COMMD10: variants seen among roughly 807,000 people sequenced by gnomAD.
COMMD10 encodes COMM domain containing 10, also known as COMM domain-containing protein 10.
In COMMD10, 33 loss-of-function variants were observed where a neutral mutation model predicts 28.9. The observed-to-expected ratio is 1.14, with a 90% confidence interval of 0.87 to 1.53. The LOEUF is 1.53. Ranked by LOEUF, COMMD10 falls within the 40% of genes most tolerant of loss-of-function variation. COMMD10 has a pLI of 0.00. For synonymous variants in COMMD10, 110 were observed against 81.7 expected (o/e 1.35, Z -1.87); for missense variants, 310 against 233.4 (o/e 1.33, Z -2.14).
At chr5:116,270,189 G>C (rs1212701451) in intron 5 of COMMD10, among the ~76,000 whole-genome samples, 1 of 151,798 alleles carries the variant, frequency 6.6e-6, no homozygotes, top group African/African-American at 2.4e-5. Flanking sequence ...GGGATGAATG[G>C]CAGACTTTAA....
At chr5:116,132,813 C>T (rs1410326987) in intron 4 of COMMD10, among the ~76,000 whole-genome samples, 1 of 152,010 alleles carries the variant, frequency 6.6e-6, no homozygotes, top group Non-Finnish European at 1.5e-5. Context: ...TGTAAAGAAT[C>T]CTTACTTAAC....
At chr5:116,164,387 T>A (rs1300265519) in intron 5 of COMMD10, among the ~76,000 whole-genome samples, 2 of 152,304 alleles carry the variant, frequency 1.3e-5, no homozygotes, top group South Asian at 2.1e-4. Flanking sequence ...CTGGTTAATT[T>A]TTCCCCTACC....
intron 5 of COMMD10, among the ~76,000 whole-genome samples, chr5:116,259,892 G>C (rs1481201220): frequency 6.6e-6 from 1 of 151,622 alleles, no homozygotes; most frequent in African/African-American, 2.4e-5. Context: ...GAGTTTCTCT[G>C]AGCCTCTATA....
chr5:116,247,496 C>A (rs1325506984), intron 5 of COMMD10, among the ~76,000 whole-genome samples: 5 of 151,968 alleles, frequency 3.3e-5, no homozygotes, highest in East Asian at 3.9e-4. Context: ...TATTAATAAA[C>A]CATTTTATTA....
At chr5:116,240,508 T>G (rs781292377) in intron 5 of COMMD10, among the ~76,000 whole-genome samples, 3 of 152,164 alleles carry the variant, frequency 2.0e-5, no homozygotes, top group Admixed American at 6.6e-5. Context: ...GTCAAATATT[T>G]AGGGGGTCAT....
intron 5 of COMMD10, among the ~76,000 whole-genome samples, chr5:116,177,474 T>C (rs1753553346): frequency 6.6e-6 from 1 of 152,082 alleles, no homozygotes; most frequent in South Asian, 2.1e-4. Flanking sequence ...AGTGTCATTT[T>C]TCTAAAACAA....
chr5:116,233,427 G>T (rs369251213), intron 5 of COMMD10, among the ~76,000 whole-genome samples: 3 of 152,166 alleles, frequency 2.0e-5, no homozygotes, highest in Non-Finnish European at 2.9e-5. Context: ...ATCTCCCACA[G>T]ATAAGGGGGA....
intron 4 of COMMD10, among the ~76,000 whole-genome samples, chr5:116,122,123 T>C (rs1751455334): frequency 6.6e-6 from 1 of 152,242 alleles, no homozygotes; most frequent in Admixed American, 6.5e-5. Context: ...AGGTCTAACA[T>C]GTAAGTCTGT....
intron 5 of COMMD10, among the ~76,000 whole-genome samples, chr5:116,204,560 A>C (rs188909542): frequency 6.6e-6 from 1 of 152,192 alleles, no homozygotes; most frequent in East Asian, 1.9e-4. Context: ...TTTTTCCTCT[A>C]TGTTACAGGC....
intron 4 of COMMD10, among the ~76,000 whole-genome samples, chr5:116,104,612 CTTTTCTTTT>C (rs1273068470): frequency 6.6e-6 from 1 of 151,652 alleles, no homozygotes. Context: ...TTGACTTCCT[CTTTTCTTTT>C]TTTTCTTTTT....
intron 5 of COMMD10, among the ~76,000 whole-genome samples, chr5:116,251,273 T>C (rs560766936): frequency 1.9e-4 from 28 of 146,108 alleles, no homozygotes; most frequent in East Asian, 4.1e-4. Context: ...TCTTTTTATT[T>C]ATTTATTTAT....
chr5:116,168,997 G>T (rs1233661780), intron 5 of COMMD10, among the ~76,000 whole-genome samples: 1 of 151,880 alleles, frequency 6.6e-6, no homozygotes. Context: ...AACGAAAGGA[G>T]ATAGAGACAT....
intron 4 of COMMD10, among the ~76,000 whole-genome samples, chr5:116,109,161 A>G (rs182032824): frequency 4.5e-4 from 69 of 152,264 alleles, no homozygotes; most frequent in Admixed American, 1.7e-3. Flanking sequence ...CCAGCATATC[A>G]TCATAATAGT....
At chr5:116,163,274 G>A (rs1422454266) in intron 5 of COMMD10, among the ~76,000 whole-genome samples, 1 of 151,602 alleles carries the variant, frequency 6.6e-6, no homozygotes, top group Non-Finnish European at 1.5e-5. Context: ...TCTTGAAAAT[G>A]TCTTATAATT....
intron 5 of COMMD10, among the ~76,000 whole-genome samples, chr5:116,138,517 C>T (rs11739600): frequency 0.5 from 76,077 of 151,406 alleles, 21,671 homozygotes; most frequent in Non-Finnish European, 0.65. Flanking sequence ...AATCTTAGTA[C>T]ATTTTTTTCC....
rs531047478 is a variant in COMMD10 at position 116,256,880 on chromosome 5, C to A, written c.511-34637C>A. Among the ~76,000 whole-genome samples, 78 of 151,842 alleles carry A rather than the reference C, an allele frequency of 5.1e-4. 1 individual carries two copies. The highest frequency in any genetic ancestry group is 1.8e-3 in the African/African-American group (74 of 41,260). ...ACTCTGTGGTGTTTGGCATCACTGT[C>A]ATTCCTGACTCTGAATTTGTATGCT... On this transcript the variant is annotated intron_variant, in intron 5 of 6. Transcript: ENST00000274458.
At chr5:116,100,408 A>G (rs985394134) in intron 4 of COMMD10, among the ~76,000 whole-genome samples, 2 of 150,468 alleles carry the variant, frequency 1.3e-5, no homozygotes, top group African/African-American at 4.9e-5. Context: ...CTAAGGAGCT[A>G]TTTTTCCTGT....
intron 5 of COMMD10, among the ~76,000 whole-genome samples, chr5:116,233,152 C>A (rs1040355839): frequency 1.3e-5 from 2 of 151,878 alleles, no homozygotes; most frequent in East Asian, 3.9e-4. Flanking sequence ...TCATAGTTAC[C>A]TTTGGTTAAC....
chr5:116,259,085 G>A (rs1286565850), intron 5 of COMMD10, among the ~76,000 whole-genome samples: 1 of 92,870 alleles, frequency 1.1e-5, no homozygotes, highest in African/African-American at 4.7e-5. Flanking sequence ...TTTTTTTCCT[G>A]AGAGTCTCGC....
Sources: gnomAD v4.1 joint callset for allele counts (sites outside exome capture counted in the v4.1 genomes callset) on GRCh38, gnomAD v4.1.1 for gene constraint, MANE v1.5 for transcripts, NCBI Gene and HGNC (gene_info 2026-07-23, HGNC 2026-07-21) for gene names.